ZNF142: variants seen among roughly 807,000 people sequenced by gnomAD.
ZNF142 encodes zinc finger protein 142.
Under a neutral mutation model 132.1 loss-of-function variants are expected in ZNF142, and 96 were observed. That is an observed-to-expected ratio of 0.73 (90% CI 0.62 to 0.86). The LOEUF (loss-of-function observed/expected upper bound fraction) is 0.86, where lower values mean the gene tolerates loss of function less well. Ranked by LOEUF, ZNF142 falls within the 40% of genes least tolerant of loss-of-function variation. The pLI is 0.00. For missense variants in ZNF142, 2,163 were observed against 2,336.2 expected (o/e 0.93, Z 1.53); for synonymous variants, 842 against 890.1 (o/e 0.95, Z 0.96).
In ZNF142 at chr2:218,643,971, T is replaced by C. The variant is rs1697500347; in HGVS notation, c.3145A>G (p.Lys1049Glu). ...PHCPFITRRE[K>E]ALNLHSRTGC... ...GTCCTGGAGTGCAGATTCAGGGCCT[T>C]CTCCCGGCGAGTGATAAAAGGGCAG... Residue 1049 changes from lysine (K) to glutamate (E), a missense_variant, in exon 9 of 11, where the codon AAG becomes GAG. Lys to Glu is a moderately conservative substitution (Grantham distance 56). This residue lies in a region of ZNF142 where 809 missense variants were observed against 801.7 expected (regional missense o/e 1.01). Coordinates refer to ENST00000411696, the MANE Select transcript of ZNF142 (RefSeq NM_001379659.1). 6.2e-7 allele frequency: 1 copy of C among 1,613,962 alleles called. No homozygotes were observed. The highest frequency in any genetic ancestry group is 1.7e-5 in the Admixed American group (1 of 59,996).
chr2:218,645,911 G>A (rs1348083132), intron 8 of ZNF142, among the ~76,000 whole-genome samples: 2 of 152,194 alleles, frequency 1.3e-5, no homozygotes, highest in African/African-American at 2.4e-5. Flanking sequence ...ACAGGCGTCT[G>A]CTACCATGCC....
chr2:218,656,392 C>A lies in ZNF142; in HGVS notation c.38G>T (p.Ser13Ile). ...DPLLDSQPASSTGEMDGLCPE... is the reference protein window; with the variant it reads ...DPLLDSQPASITGEMDGLCPE... ...GCACAGTCCATCCATCTCCCCGGTG[C>A]TACTGGCTGGCTGTGAGTCCAAAAG... The change falls in exon 4 of 11, where the codon AGC (serine) becomes ATC (isoleucine). Residue 13 changes from serine (S) to isoleucine (I), a missense_variant. Ser to Ile is a moderately radical substitution (Grantham distance 142). This residue lies in a region of ZNF142 where 195 missense variants were observed against 172.4 expected (regional missense o/e 1.13). Transcript: ENST00000411696. The A allele has an allele frequency of 6.9e-7, 1 of 1,448,348 alleles. No individual in the cohort carries two copies. Among genetic ancestry groups the A allele is most frequent in the Non-Finnish European group, 9.2e-7 (1 of 1,087,932 alleles). 89.7% of individuals were successfully genotyped at this position (1,448,348 alleles called of 1,614,324 possible). A position where few individuals can be genotyped will look rare whatever the true frequency, so the allele number is the denominator to read the frequency against.
chr2:218,651,389 G>A (rs1032855780), intron 5 of ZNF142, among the ~76,000 whole-genome samples: 7 of 152,224 alleles, frequency 4.6e-5, no homozygotes, highest in Non-Finnish European at 1.0e-4. Context: ...GCCAATGATG[G>A]TCATTTTCAC....
In ZNF142 at chr2:218,644,520, C is replaced by A; in HGVS notation, c.2596G>T (p.Gly866Ter). The A allele has an allele frequency of 6.2e-7, 1 of 1,614,026 alleles. No individual in the cohort carries two copies. Among genetic ancestry groups the A allele is most frequent in the South Asian group, 1.1e-5 (1 of 91,082 alleles). ...LPEMSEEVNT[G>*]RQEGSEAPHG... ...GGAGCCTCACTGCCCTCCTGTCTTC[C>A]AGTGTTGACCTCCTCACTCATCTCT... is the stretch of plus-strand genomic sequence containing the variant. The change falls in exon 9 of 11, where the codon GGA becomes TGA. Residue 866 changes from glycine (G) to a stop codon, truncating the protein, a stop_gained. Transcript: ENST00000411696. LOFTEE classifies it high-confidence loss of function. This position sits in a 1 kb window ranked among gnomAD's most constrained non-coding sequence, Gnocchi z 4.6.
chr2:218,656,503 G>T lies in ZNF142; in HGVS notation c.-34-40C>A, dbSNP rs1261161393. ...AGAAGAAAAACAAAGTAAGGTTAGA[G>T]TTCTTACTTTCTTCCTGGCTGGCGT... On this transcript the variant is annotated intron_variant, in intron 3 of 10. Transcript: ENST00000411696. 2.2e-6 allele frequency: 3 copies of T among 1,393,480 alleles called. No homozygotes were observed. The South Asian group carries it at 6.0e-5, about 28-fold the overall frequency. The allele number at this position is 1,393,480 out of a possible 1,614,324, so 86.3% of individuals were successfully genotyped here.
chr2:218,642,406 A>G lies in ZNF142; in HGVS notation c.4710T>C (p.Asp1570=), dbSNP rs1697286361. 6.2e-7 allele frequency: 1 copy of G among 1,613,066 alleles called. No individual in the cohort carries two copies. The highest frequency in any genetic ancestry group is 1.3e-5 in the African/African-American group (1 of 75,052). Reference sequence around the variant, plus strand: ...TGAAATGCTGCTGCCTCCGGTGCTCATCCAGAGCCAGTCGGCTAGGGAAGG... The same window carrying G: ...TGAAATGCTGCTGCCTCCGGTGCTCGTCCAGAGCCAGTCGGCTAGGGAAGG... ...QEAFPSRLAL[D]EHRRQQHFSH... is the part of the protein sequence containing the mutation. Residue 1570 remains aspartate (D), a synonymous_variant, in exon 9 of 11, where the codon GAT becomes GAC. Coordinates refer to ENST00000411696, the MANE Select transcript of ZNF142 (RefSeq NM_001379659.1). The surrounding 1 kb of genome is among the most constrained non-coding windows in gnomAD (Gnocchi z 4.6).
intron 3 of ZNF142, among the ~76,000 whole-genome samples, chr2:218,657,328 C>T (rs1441625119): frequency 6.6e-6 from 1 of 152,228 alleles, no homozygotes; most frequent in Non-Finnish European, 1.5e-5. Context: ...CGTCTCTTGG[C>T]TTGATATGCC....
Position 218,643,325 on chromosome 2 carries a change from G to A in ZNF142, c.3791C>T (p.Thr1264Ile), listed in dbSNP as rs1243955105. The change falls in exon 9 of 11, where the codon ACC becomes ATC. Residue 1264 changes from threonine (T) to isoleucine (I), a missense_variant. Transcript: ENST00000411696. ...GCTCAACGGGGACACATCAGGCTGG[G>A]TCTGGGGGGTCCCTCGTTTTCCTCC... ...GGGGKRGTPQ[T>I]QPDVSPLSNG... 1 of 1,614,172 alleles carries A rather than the reference G, an allele frequency of 6.2e-7. No homozygotes were observed. Among genetic ancestry groups the A allele is most frequent in the East Asian group, 2.2e-5 (1 of 44,884 alleles).
rs61733650 is a variant in ZNF142, at chr2:218,656,335, G to C, written c.95C>G (p.Ser32Cys). ...GACAGGCCCCAGGATTCCACGGTTA[G>C]AGAGAGGCGGGGGGATCAGCAATAG... ...PELLLIPPPLSNRGILGPVQS... is the reference protein window; with the variant it reads ...PELLLIPPPLCNRGILGPVQS... The change falls in exon 4 of 11, where the codon TCT becomes TGT. Residue 32 changes from serine (S) to cysteine (C), a missense_variant. Ser to Cys is a moderately radical substitution (Grantham distance 112, BLOSUM62 -1). This residue lies in a region of ZNF142 where 195 missense variants were observed against 172.4 expected (regional missense o/e 1.13). Coordinates refer to ENST00000411696, the MANE Select transcript of ZNF142 (RefSeq NM_001379659.1). The C allele has an allele frequency of 1.8e-4, 288 of 1,595,818 alleles. No homozygotes were observed. The African/African-American group carries it at 3.6e-3, about 20-fold the overall frequency.
intron 7 of ZNF142, among the ~76,000 whole-genome samples, chr2:218,647,846 T>C (rs564908977): frequency 6.6e-6 from 1 of 152,354 alleles, no homozygotes; most frequent in African/African-American, 2.4e-5. Flanking sequence ...AAAGTAGGTC[T>C]CAGAGTTTGT....
rs780417695 is a variant in ZNF142, at chr2:218,644,073, C to T, written c.3043G>A (p.Ala1015Thr). 5 of 1,614,062 alleles carry T rather than the reference C, an allele frequency of 3.1e-6. No individual in the cohort carries two copies. The highest frequency in any genetic ancestry group is 1.3e-5 in the African/African-American group (1 of 75,014). The stretch of plus-strand genomic sequence containing the variant: ...CGCCCCTCTAGCACCAATGCCTCTG[C>T]TTGTTCTTTGTCCTGTCTCCTTAGG... ...KALRRQDKEQ[A>T]EALVLEGRVQ... is the part of the protein sequence containing the mutation. Residue 1015 changes from alanine to threonine, a missense_variant, in exon 9 of 11, where the codon GCA (alanine) becomes ACA (threonine). Ala to Thr is a moderately conservative substitution (Grantham distance 58). This residue lies in a region of ZNF142 where 809 missense variants were observed against 801.7 expected (regional missense o/e 1.01). Transcript: ENST00000411696. The surrounding 1 kb of genome is among the most constrained non-coding windows in gnomAD (Gnocchi z 4.6).
chr2:218,644,105 AGTAATGACTCTGACTCAG>A lies in ZNF142; in HGVS notation c.2993_3010del (p.Pro998_Leu1003del). ...TTTGTCCTGTCTCCTTAGGGCCTTGAGTAATGACTCTGACTCAGGTAATGGGGGCAAGGGTGCTGTCTC... is the reference window on the plus strand; with the variant it reads ...TTTGTCCTGTCTCCTTAGGGCCTTGAGTAATGGGGGCAAGGGTGCTGTCTC... On this transcript the variant is annotated inframe_deletion, in exon 9 of 11. Coordinates refer to ENST00000411696, the MANE Select transcript of ZNF142 (RefSeq NM_001379659.1). The surrounding 1 kb of genome is among the most constrained non-coding windows in gnomAD (Gnocchi z 4.6). 6.2e-7 allele frequency: 1 copy of A among 1,614,020 alleles called. No homozygotes were observed. The highest frequency in any genetic ancestry group is 1.1e-5 in the South Asian group (1 of 91,058).
In ZNF142 at chr2:218,642,349, G is replaced by T; in HGVS notation, c.4767C>A (p.Ala1589=). The part of the protein sequence containing the change: ...SHRCQLCDFA[A]RERVGLVKHY... Reference sequence around the variant, plus strand: ...GCTTTACCAGGCCCACCCGCTCCCGGGCAGCAAAGTCACAGAGCTGACAGC... The same window carrying T: ...GCTTTACCAGGCCCACCCGCTCCCGTGCAGCAAAGTCACAGAGCTGACAGC... Residue 1589 remains alanine (A), a synonymous_variant, in exon 9 of 11, where the codon GCC becomes GCA. Transcript: ENST00000411696. The surrounding 1 kb of genome is among the most constrained non-coding windows in gnomAD (Gnocchi z 4.6). The T allele has an allele frequency of 4.3e-6, 7 of 1,613,398 alleles. No homozygotes were observed. Among genetic ancestry groups the T allele is most frequent in the Non-Finnish European group, 5.9e-6 (7 of 1,180,016 alleles).
rs1432613335 is a variant in ZNF142, at chr2:218,643,201, G to A, written c.3915C>T (p.Ser1305=). ...GGCAGCTAAAGGGACATGTAGGGCA[G>A]GAGAAGCGAGCCCCCTTCTGCTTTT... ...LVQKQKGARF[S]CPTCPFSCQQ... is the part of the protein sequence containing the mutation. Residue 1305 remains serine, a synonymous_variant, in exon 9 of 11, where the codon TCC becomes TCT. Transcript: ENST00000411696. 3.7e-6 allele frequency: 6 copies of A among 1,614,118 alleles called. No individual in the cohort carries two copies. The East Asian group carries it at 1.3e-4, about 36-fold the overall frequency.
Position 218,644,233 on chromosome 2 carries a change from T to C in ZNF142, c.2883A>G (p.Pro961=). The part of the protein sequence containing the change: ...SAEENPLLEK[P]VSEPSTNPPS... The stretch of plus-strand genomic sequence containing the variant: ...GAGGATTTGTGGAGGGCTCAGACAC[T>C]GGCTTTTCCAGAAGGGGATTTTCTT... The change falls in exon 9 of 11, where the codon CCA becomes CCG. Residue 961 remains proline, a synonymous_variant. Coordinates refer to ENST00000411696, the MANE Select transcript of ZNF142 (RefSeq NM_001379659.1). The surrounding 1 kb of genome is among the most constrained non-coding windows in gnomAD (Gnocchi z 4.6). The C allele has an allele frequency of 1.2e-6, 2 of 1,614,126 alleles. No homozygotes were observed. The highest frequency in any genetic ancestry group is 1.3e-5 in the African/African-American group (1 of 75,034).
In ZNF142 at chr2:218,648,707, GGA is replaced by G. The variant is rs765419841; in HGVS notation, c.1799_1800del (p.Ile600ThrfsTer5). On this transcript the variant is annotated frameshift_variant, in exon 7 of 11. Coordinates refer to ENST00000411696, the MANE Select transcript of ZNF142 (RefSeq NM_001379659.1). LOFTEE classifies it high-confidence loss of function. ...HVGKMHAHEK[I>X]HQCPECNFAT... ...GCAAAGTTGCACTCAGGACACTGGT[GGA>G]TCTTTTCATGAGCATGCATCTTGCC... The G allele has an allele frequency of 6.2e-7, 1 of 1,614,192 alleles. No individual in the cohort carries two copies. Among genetic ancestry groups the G allele is most frequent in the Admixed American group, 1.7e-5 (1 of 60,022 alleles).
chr2:218,636,392 G>C lies in ZNF142; in HGVS notation c.*1947C>G, dbSNP rs1482478944. 5 of 1,614,042 alleles carry C rather than the reference G, an allele frequency of 3.1e-6. No individual in the cohort carries two copies. In the Admixed American group the frequency reaches 8.3e-5, roughly 27 times the overall value. ...CCTGCCTTGGACCTGCATGCAACAAGGTGAGCCAGCCCCTTTGGCCCCTGG... is the reference window on the plus strand; with the variant it reads ...CCTGCCTTGGACCTGCATGCAACAACGTGAGCCAGCCCCTTTGGCCCCTGG... On this transcript the variant is annotated 3_prime_UTR_variant, in exon 11 of 11. Transcript: ENST00000411696.
intron 9 of ZNF142, 69 bp downstream of exon 9, chr2:218,641,959 A>C: frequency 1.9e-6 from 3 of 1,543,124 alleles, no homozygotes; most frequent in Non-Finnish European, 2.6e-6. Flanking sequence ...TCAGCTATAG[A>C]GAACCAAGGC....
chr2:218,638,306 A>G lies in ZNF142; in HGVS notation c.*33T>C. On this transcript the variant is annotated 3_prime_UTR_variant, in exon 11 of 11. Transcript: ENST00000411696. ...TCCCAGTCTGCACATCTCAGACCAT[A>G]CCCTCTTCCTATACAGGAGGTGGGG... is the stretch of plus-strand genomic sequence containing the variant. 1.3e-6 allele frequency: 2 copies of G among 1,482,526 alleles called. No homozygotes were observed. Among genetic ancestry groups the G allele is most frequent in the South Asian group, 2.8e-5 (2 of 70,992 alleles). 91.8% of individuals were successfully genotyped at this position (1,482,526 alleles called of 1,614,324 possible). A position where few individuals can be genotyped will look rare whatever the true frequency, so the allele number is the denominator to read the frequency against.
Sources: allele counts gnomAD v4.1 joint callset (sites outside exome capture counted in the v4.1 genomes callset), GRCh38; gene constraint gnomAD v4.1.1; regional missense constraint gnomAD v4.1.1; non-coding constraint Gnocchi (gnomAD v3.1); transcripts MANE v1.5; gene names NCBI Gene and HGNC (gene_info 2026-07-23, HGNC 2026-07-21).